Variants in ZNF536 observed in about 807,000 individuals in gnomAD.
ZNF536 encodes the protein zinc finger protein 536.
ZNF536 carries 13 observed loss-of-function variants against 84.5 expected under a neutral mutation model. The observed-to-expected ratio is 0.15, with a 90% CI of 0.10 to 0.24. The LOEUF is 0.24. ZNF536 is among the 10% of genes least tolerant of loss of function. The pLI is 1.00. For synonymous variants in ZNF536, 811 were observed against 742.5 expected (o/e 1.09, Z -1.50); for missense variants, 1,536 against 1,747.5 (o/e 0.88, Z 2.16).
intron 2 of ZNF536, among the ~76,000 whole-genome samples, chr19:30,304,816 C>T (rs1277966946): frequency 6.6e-6 from 1 of 152,224 alleles, no homozygotes; most frequent in Non-Finnish European, 1.5e-5. Flanking sequence ...CCGCTGCAGG[C>T]ACCATCTGGG....
intron 1 of ZNF536, among the ~76,000 whole-genome samples, chr19:30,229,065 A>G (rs1289000560): frequency 6.6e-6 from 1 of 152,092 alleles, no homozygotes; most frequent in Non-Finnish European, 1.5e-5. Context: ...GCCGCGCCGT[A>G]AATGCAAGCC....
At chr19:30,357,128 T>C (rs963368248) in intron 3 of ZNF536, among the ~76,000 whole-genome samples, 4 of 152,048 alleles carry the variant, frequency 2.6e-5, no homozygotes, top group Non-Finnish European at 5.9e-5. Flanking sequence ...AATAAATGCA[T>C]AAGAAAATGA....
chr19:30,354,933 C>T (rs2048044896), intron 3 of ZNF536, among the ~76,000 whole-genome samples: 1 of 152,180 alleles, frequency 6.6e-6, no homozygotes. Context: ...GCCCCAGAGC[C>T]TTTTCTGGAC....
chr19:30,409,973 T>G (rs1790604013), intron 1 of ZNF536, among the ~76,000 whole-genome samples: 1 of 152,220 alleles, frequency 6.6e-6, no homozygotes, highest in Non-Finnish European at 1.5e-5. Flanking sequence ...TGAATTTTTT[T>G]TTTTAACTGT....
intron 1 of ZNF536, among the ~76,000 whole-genome samples, chr19:30,574,732 A>G (rs1288950401): frequency 1.3e-5 from 2 of 152,254 alleles, no homozygotes; most frequent in African/African-American, 4.8e-5. Context: ...AACTGAAGGT[A>G]TGCACTTCAT....
chr19:30,379,482 G>T lies in ZNF536; in HGVS notation c.-3+6926G>T, dbSNP rs543043743. ...GGGGTGTGTTGAATGCTTTCTGTGG[G>T]GTTGATTCCTGTCGCCATAAGGAGG... is the stretch of plus-strand genomic sequence containing the variant. On this transcript the variant is annotated intron_variant, in intron 1 of 4. Transcript: ENST00000355537. 2.0e-5 allele frequency among the ~76,000 whole-genome samples: 3 copies of T among 152,082 alleles called. No homozygotes were observed. In the South Asian group the frequency reaches 6.2e-4, roughly 32 times the overall value.
rs112698924 is a variant in ZNF536 at position 30,418,279 on chromosome 19, A to G, written c.-2-25282A>G. 3.8e-3 allele frequency among the ~76,000 whole-genome samples: 571 copies of G among 152,242 alleles called. 1 individual carries two copies. Among genetic ancestry groups the G allele is most frequent in the Non-Finnish European group, 6.7e-3 (454 of 68,024 alleles). On this transcript the variant is annotated intron_variant, in intron 1 of 4. Transcript: ENST00000355537. ...TGTCCTGTTCTAAAATGAAGGAGAC[A>G]TCTGTGACCTACTCACTGTATAGTT...
chr19:30,556,544 C>CGTGATG (rs1370090308), intron 4 of ZNF536: 2 of 152,234 alleles, frequency 1.3e-5, no homozygotes, highest in African/African-American at 4.8e-5. Flanking sequence ...ATGCCACTGA[C>CGTGATG]GTGATGTCGT....
chr19:30,579,875 C>G (rs993848568), intron 1 of ZNF536, among the ~76,000 whole-genome samples: 12 of 152,212 alleles, frequency 7.9e-5, no homozygotes, highest in Non-Finnish European at 1.6e-4. Flanking sequence ...CAACCACCTG[C>G]TTTACCACCA....
chr19:30,248,177 A>G (rs1368837279), intron 1 of ZNF536, among the ~76,000 whole-genome samples: 1 of 151,684 alleles, frequency 6.6e-6, no homozygotes, highest in Admixed American at 6.6e-5. Flanking sequence ...AAGAACTTGT[A>G]GCTTTGAAGA....
chr19:30,337,338 C>A (rs2047413922), intron 2 of ZNF536, among the ~76,000 whole-genome samples: 1 of 152,138 alleles, frequency 6.6e-6, no homozygotes, highest in African/African-American at 2.4e-5. Context: ...TAGTAGCTCC[C>A]ACCACCGTCT....
chr19:30,634,717 T>C (rs1481490480), intron 1 of ZNF536, among the ~76,000 whole-genome samples: 1 of 152,100 alleles, frequency 6.6e-6, no homozygotes, highest in African/African-American at 2.4e-5. Flanking sequence ...AGGACTGAAG[T>C]CTGGCCCACG....
At chr19:30,712,729 C>T (rs2052489135) in exon 2 of ZNF536, 1 of 152,080 alleles carries the variant, frequency 6.6e-6, no homozygotes. Flanking sequence ...TAGTATAGTT[C>T]TCACTGCCTT....
At chr19:30,644,534 A>G (rs1445194632) in intron 1 of ZNF536, among the ~76,000 whole-genome samples, 1 of 151,924 alleles carries the variant, frequency 6.6e-6, no homozygotes, top group African/African-American at 2.4e-5. Context: ...ACCCCACAAC[A>G]GGCCTCGGTG....
chr19:30,466,002 G>A (rs903496728), intron 2 of ZNF536, among the ~76,000 whole-genome samples: 28 of 152,020 alleles, frequency 1.8e-4, no homozygotes, highest in African/African-American at 6.0e-4. Context: ...CGACCACCTC[G>A]GCCTCCCAAA....
At chr19:30,543,391 C>G (rs766058396) in intron 3 of ZNF536, among the ~76,000 whole-genome samples, 1 of 152,232 alleles carries the variant, frequency 6.6e-6, no homozygotes, top group Non-Finnish European at 1.5e-5. Context: ...TGGCCAATCA[C>G]TCAACTAGAC....
At chr19:30,335,576 C>T (rs2047356671) in intron 2 of ZNF536, among the ~76,000 whole-genome samples, 1 of 152,130 alleles carries the variant, frequency 6.6e-6, no homozygotes, top group East Asian at 1.9e-4. Context: ...CTGACCCAGT[C>T]CCGGCCCCTT....
At chr19:30,303,031 A>T (rs1441511052) in intron 2 of ZNF536, among the ~76,000 whole-genome samples, 3 of 152,196 alleles carry the variant, frequency 2.0e-5, no homozygotes, top group African/African-American at 7.2e-5. Flanking sequence ...GAAAACCTTC[A>T]TAGACAGGGG....
At chr19:30,691,674 C>A (rs527871750) in intron 1 of ZNF536, among the ~76,000 whole-genome samples, 2 of 152,144 alleles carry the variant, frequency 1.3e-5, no homozygotes, top group East Asian at 1.9e-4. Flanking sequence ...TTGCTAAAAT[C>A]TCTAATCTAA....
Sources: gnomAD v4.1 joint callset for allele counts (sites outside exome capture counted in the v4.1 genomes callset) on GRCh38, gnomAD v4.1.1 for gene constraint, MANE v1.5 for transcripts, NCBI Gene and HGNC (gene_info 2026-07-23, HGNC 2026-07-21) for gene names.